PPM1A: variants seen among roughly 807,000 people sequenced by gnomAD.
The protein encoded by PPM1A is protein phosphatase 1A.
In PPM1A, 7 loss-of-function variants were observed where a neutral mutation model predicts 35.0. The observed-to-expected ratio is 0.20, with a 90% CI of 0.11 to 0.38. The LOEUF is 0.38. Ranked by LOEUF, PPM1A falls within the 10% of genes least tolerant of loss-of-function variation. PPM1A has a pLI of 1.00. For missense variants in PPM1A, 239 were observed against 467.8 expected (o/e 0.51, Z 4.51); for synonymous variants, 153 against 167.3 (o/e 0.91, Z 0.66).
intron 1 of PPM1A, among the ~76,000 whole-genome samples, chr14:60,255,159 GTT>G (rs869066455): frequency 2.0e-5 from 2 of 100,832 alleles, no homozygotes; most frequent in African/African-American, 1.6e-4. Context: ...TCTATCATAT[GTT>G]TTTTTTTTTT....
chr14:60,251,350 C>T (rs577981273), intron 1 of PPM1A, among the ~76,000 whole-genome samples: 180 of 152,300 alleles, frequency 1.2e-3, no homozygotes, highest in Non-Finnish European at 1.8e-3. Flanking sequence ...AAATAATAGT[C>T]ATCAAATTGC....
rs1595339074 is a variant in PPM1A, at chr14:60,276,760, A to G, written c.-20-5924A>G. Among the ~76,000 whole-genome samples the G allele has an allele frequency of 2.0e-5, 3 of 152,288 alleles. No individual in the cohort carries two copies. The South Asian group carries it at 6.2e-4, about 32-fold the overall frequency. ...CATAGGGATTTTAACAATAAAATAT[A>G]TAGAGCATTTTAAAAATTATTCACT... On this transcript the variant is annotated intron_variant, in intron 1 of 5. Coordinates refer to ENST00000395076, the MANE Select transcript of PPM1A (RefSeq NM_021003.5).
rs1566617886 is a variant in PPM1A at position 60,297,507 on chromosome 14, AT to A, written c.*5028del. 1 of 151,634 alleles carries A rather than the reference AT, an allele frequency of 6.6e-6. No homozygotes were observed. The highest frequency in any genetic ancestry group is 2.4e-5 in the African/African-American group (1 of 41,382). 9.4% of individuals were successfully genotyped at this position (151,634 alleles called of 1,614,324 possible). A position where few individuals can be genotyped will look rare whatever the true frequency, so the allele number is the denominator to read the frequency against. On this transcript the variant is annotated 3_prime_UTR_variant, in exon 6 of 6. Coordinates refer to ENST00000395076, the MANE Select transcript of PPM1A (RefSeq NM_021003.5). ...TCTTCACTAGAAAACCCAACCCTTC[AT>A]TTCTTTTCATTGCTCCAAAACCCAG...
rs777541506 is a variant in PPM1A at position 60,293,496 on chromosome 14, C to G, written c.*1014C>G. 4 of 152,036 alleles carry G rather than the reference C, an allele frequency of 2.6e-5. No individual in the cohort carries two copies. The highest frequency in any genetic ancestry group is 5.9e-5 in the Non-Finnish European group (4 of 67,950). 9.4% of individuals were successfully genotyped at this position (152,036 alleles called of 1,614,324 possible). A position where few individuals can be genotyped will look rare whatever the true frequency, so the allele number is the denominator to read the frequency against. On this transcript the variant is annotated 3_prime_UTR_variant, in exon 6 of 6. Coordinates refer to ENST00000395076, the MANE Select transcript of PPM1A (RefSeq NM_021003.5). This position sits in a 1 kb window ranked among gnomAD's most constrained non-coding sequence, Gnocchi z 4.0. ...TCACTCAAGGCATAGATGAAACTTTCCTTCCATTAGAAAGACTAAAAGATT... is the reference window on the plus strand; with the variant it reads ...TCACTCAAGGCATAGATGAAACTTTGCTTCCATTAGAAAGACTAAAAGATT...
At chr14:60,253,730 G>A (rs1243121240) in intron 1 of PPM1A, among the ~76,000 whole-genome samples, 1 of 152,170 alleles carries the variant, frequency 6.6e-6, no homozygotes. Flanking sequence ...ATGTCTTCAA[G>A]TACCATTGTT....
At chr14:60,254,667 A>G (rs941730205) in intron 1 of PPM1A, among the ~76,000 whole-genome samples, 1 of 152,224 alleles carries the variant, frequency 6.6e-6, no homozygotes, top group Non-Finnish European at 1.5e-5. Flanking sequence ...GTCTTGGAAT[A>G]GTGTGGGTCT....
chr14:60,286,618 G>A, intron 3 of PPM1A: 2 of 985,218 alleles, frequency 2.0e-6, no homozygotes, highest in Non-Finnish European at 2.4e-6. Flanking sequence ...TCGCATGCAA[G>A]CATTGACCTA....
upstream of PPM1A, among the ~76,000 whole-genome samples, chr14:60,247,627 CAAAAAAAAAAAAAAAA>C (rs58749853): frequency 6.0e-5 from 3 of 50,144 alleles, no homozygotes; most frequent in South Asian, 6.5e-4. Context: ...GACTCTGTCT[CAAAAAAAAAAAAAAAA>C]AAAAAAAAAA....
In PPM1A at chr14:60,289,334, TGA is replaced by T. The variant is rs1595372370; in HGVS notation, c.953-470_953-469del. On this transcript the variant is annotated intron_variant, in intron 3 of 5. Coordinates refer to ENST00000395076, the MANE Select transcript of PPM1A (RefSeq NM_021003.5). The surrounding 1 kb of genome is among the most constrained non-coding windows in gnomAD (Gnocchi z 4.1). ...ATATAAATATATACATAAAAATAAT[TGA>T]GTTAGTATATAATCTATAAATTCCC... is the stretch of plus-strand genomic sequence containing the variant. Among the ~76,000 whole-genome samples, 2 of 152,090 alleles carry T rather than the reference TGA, an allele frequency of 1.3e-5. No individual in the cohort carries two copies. The highest frequency in any genetic ancestry group is 6.5e-5 in the Admixed American group (1 of 15,272).
chr14:60,287,991 C>T (rs564258117), intron 3 of PPM1A: 8 of 980,270 alleles, frequency 8.2e-6, no homozygotes, highest in East Asian at 1.1e-4. Context: ...TTAGAAAAAG[C>T]GTTCAGTCTT....
Position 60,255,512 on chromosome 14 carries a change from A to T in PPM1A, c.-21+5835A>T, listed in dbSNP as rs574109936. On this transcript the variant is annotated intron_variant, in intron 1 of 5. Transcript: ENST00000395076. Reference sequence around the variant, plus strand: ...TTTAGATATTTGTGTCTAAATTATAATTGCATTCAGTTAATTCTAAAGGGA... The same window carrying T: ...TTTAGATATTTGTGTCTAAATTATATTTGCATTCAGTTAATTCTAAAGGGA... Among the ~76,000 whole-genome samples, 60 of 152,320 alleles carry T rather than the reference A, an allele frequency of 3.9e-4. 1 individual carries two copies. Among genetic ancestry groups the T allele is most frequent in the African/African-American group, 1.3e-3 (54 of 41,558 alleles).
chr14:60,249,088 C>T (rs1159986914), upstream of PPM1A, among the ~76,000 whole-genome samples: 1 of 152,006 alleles, frequency 6.6e-6, no homozygotes, highest in East Asian at 1.9e-4. The surrounding 1 kb of genome is among the most constrained non-coding windows in gnomAD (Gnocchi z 4.5). Context: ...CAGTTCCTGC[C>T]CAACGACATC....
At chr14:60,247,703 A>G (rs1030890462), upstream of PPM1A, among the ~76,000 whole-genome samples, 9 of 151,286 alleles carry the variant, frequency 5.9e-5, no homozygotes, top group African/African-American at 2.2e-4. Context: ...AAAATTAGAG[A>G]TGGCTTTTTA....
chr14:60,276,264 T>C (rs768738578), intron 1 of PPM1A, among the ~76,000 whole-genome samples: 4 of 152,192 alleles, frequency 2.6e-5, no homozygotes, highest in Non-Finnish European at 5.9e-5. Context: ...TATTATCCAC[T>C]GTGACCTGTG....
In PPM1A at chr14:60,298,062, T is replaced by A. The variant is rs1052160078; in HGVS notation, c.*5580T>A. 3.3e-5 allele frequency: 5 copies of A among 151,614 alleles called. No individual in the cohort carries two copies. Among genetic ancestry groups the A allele is most frequent in the African/African-American group, 9.7e-5 (4 of 41,374 alleles). 9.4% of individuals were successfully genotyped at this position (151,614 alleles called of 1,614,324 possible). A position where few individuals can be genotyped will look rare whatever the true frequency, so the allele number is the denominator to read the frequency against. On this transcript the variant is annotated 3_prime_UTR_variant, in exon 6 of 6. Transcript: ENST00000395076. Reference sequence around the variant, plus strand: ...AGAATCTGACATTAAAATATACTTTTTAAAAAATATTATATTTGGGGTGGG... The same window carrying A: ...AGAATCTGACATTAAAATATACTTTATAAAAAATATTATATTTGGGGTGGG...
At chr14:60,284,641 CAAA>C (rs766936496) in intron 2 of PPM1A, among the ~76,000 whole-genome samples, 3,556 of 78,216 alleles carry the variant, frequency 0.045, 57 homozygotes, top group Middle Eastern at 0.082. Context: ...GACTCCGTCT[CAAA>C]AAAAAAAAAA....
intron 1 of PPM1A, among the ~76,000 whole-genome samples, chr14:60,269,100 T>G (rs1193071382): frequency 7.2e-5 from 11 of 152,168 alleles, no homozygotes; most frequent in Admixed American, 7.2e-4. Context: ...GGACCACATC[T>G]TTTACCAATT....
rs1346751772 is a variant in PPM1A, at chr14:60,296,891, C to G, written c.*4409C>G. On this transcript the variant is annotated 3_prime_UTR_variant, in exon 6 of 6. Transcript: ENST00000395076. This position sits in a 1 kb window ranked among gnomAD's most constrained non-coding sequence, Gnocchi z 4.4. ...ACAGATTCTTTCCCTTTCGATTGTTCTGTATGTTAAGATAGTGGCTTCTGC... is the reference window on the plus strand; with the variant it reads ...ACAGATTCTTTCCCTTTCGATTGTTGTGTATGTTAAGATAGTGGCTTCTGC... 2 of 290,878 alleles carry G rather than the reference C, an allele frequency of 6.9e-6. No individual in the cohort carries two copies. The highest frequency in any genetic ancestry group is 4.3e-5 in the African/African-American group (2 of 46,542). The allele number at this position is 290,878 out of a possible 1,614,324, so 18.0% of individuals were successfully genotyped here.
chr14:60,248,974 G>A (rs577564661), upstream of PPM1A, among the ~76,000 whole-genome samples: 7 of 152,266 alleles, frequency 4.6e-5, no homozygotes, highest in Non-Finnish European at 7.4e-5. Flanking sequence ...GGTGCTCCAG[G>A]CCGTAAGGCA....
Sources: gnomAD v4.1 joint callset for allele counts (sites outside exome capture counted in the v4.1 genomes callset) on GRCh38, gnomAD v4.1.1 for gene constraint, Gnocchi (gnomAD v3.1) non-coding constraint, MANE v1.5 for transcripts, NCBI Gene and HGNC (gene_info 2026-07-23, HGNC 2026-07-21) for gene names.